FAT1: variants seen among roughly 807,000 people sequenced by gnomAD.
The protein encoded by FAT1 is FAT atypical cadherin 1, also known as protocadherin Fat 1.
FAT1 carries 171 observed loss-of-function variants against 329.8 expected under a neutral mutation model. The observed-to-expected ratio is 0.52, with a 90% CI of 0.46 to 0.59. The LOEUF (loss-of-function observed/expected upper bound fraction) is 0.59. FAT1 is among the 20% of genes least tolerant of loss of function. The pLI is 0.00. For missense variants in FAT1, 5,672 were observed against 5,774.4 expected (o/e 0.98, Z 0.57); for synonymous variants, 2,233 against 2,228.6 (o/e 1.00, Z -0.06).
chr4:186,637,159 G>A (rs767035510), intron 4 of FAT1, among the ~76,000 whole-genome samples: 2 of 152,052 alleles, frequency 1.3e-5, no homozygotes, highest in South Asian at 2.1e-4. Flanking sequence ...GCACCCCTGC[G>A]CGCCTTCCTG....
intron 2 of FAT1, among the ~76,000 whole-genome samples, chr4:186,692,032 GT>G (rs1743790702): frequency 2.6e-5 from 4 of 151,884 alleles, no homozygotes; most frequent in Admixed American, 2.6e-4. Context: ...AAAAATCTCT[GT>G]TAAAGAAGGC....
In FAT1 at chr4:186,620,749, C is replaced by A. The variant is rs2126518708; in HGVS notation, c.5837G>T (p.Ser1946Ile). Residue 1946 changes from serine to isoleucine, a missense_variant, in exon 10 of 27, where the codon AGC (serine) becomes ATC (isoleucine). Physicochemically the swap from Ser to Ile is moderately radical, Grantham distance 142 (BLOSUM62 -2). Coordinates refer to ENST00000441802, the MANE Select transcript of FAT1 (RefSeq NM_005245.4). The stretch of plus-strand genomic sequence containing the variant: ...AGCTCTAACGGTTAGCTCGTAGCGG[C>A]TTCTTAACTGAGTTGTGTTTTGGAC... ...LTVQNTTQLR[S>I]RYELTVRASD... 2 of 1,614,024 alleles carry A rather than the reference C, an allele frequency of 1.2e-6. No individual in the cohort carries two copies. Among genetic ancestry groups the A allele is most frequent in the Non-Finnish European group, 1.7e-6 (2 of 1,179,908 alleles).
chr4:186,606,588 G>C (rs952705589), intron 16 of FAT1, among the ~76,000 whole-genome samples: 1 of 152,046 alleles, frequency 6.6e-6, no homozygotes, highest in Non-Finnish European at 1.5e-5. Context: ...GCCTTCCTTA[G>C]GGCCCCAAGT....
At position 186,609,794 on chromosome 4, in the gene FAT1, T is replaced by C. The variant is rs1344061834; in HGVS notation, c.10068+7A>G. On this transcript the variant is annotated splice_region_variant and intron_variant, in intron 15 of 26. Transcript: ENST00000441802. ...AGTTTTCACTGTAATGGGGAAAAAA[T>C]ACACACCGTGATGACAGACTGCTCA... 6.2e-7 allele frequency: 1 copy of C among 1,601,156 alleles called. No individual in the cohort carries two copies. Among genetic ancestry groups the C allele is most frequent in the Admixed American group, 1.7e-5 (1 of 59,964 alleles).
At chr4:186,649,063 T>C (rs1019142291) in intron 3 of FAT1, among the ~76,000 whole-genome samples, 1 of 152,186 alleles carries the variant, frequency 6.6e-6, no homozygotes, top group East Asian at 1.9e-4. Flanking sequence ...ACAGTATTTC[T>C]CAAGTATGGT....
intron 3 of FAT1, among the ~76,000 whole-genome samples, chr4:186,643,079 C>G (rs935482920): frequency 2.6e-5 from 4 of 152,216 alleles, no homozygotes; most frequent in African/African-American, 9.6e-5. Context: ...CACTAGCCTC[C>G]TGAGACCAGT....
intron 3 of FAT1, among the ~76,000 whole-genome samples, chr4:186,640,978 T>C (rs1269610314): frequency 6.6e-6 from 1 of 152,214 alleles, no homozygotes; most frequent in Non-Finnish European, 1.5e-5. Context: ...TTTTCTCATA[T>C]GGAAATACCT....
chr4:186,602,625 G>A (rs1738868031), intron 20 of FAT1, among the ~76,000 whole-genome samples: 1 of 152,132 alleles, frequency 6.6e-6, no homozygotes, highest in Non-Finnish European at 1.5e-5. Flanking sequence ...TGAATTTCCA[G>A]GAAAATTAAA....
rs2126508003 is a variant in FAT1 at position 186,619,676 on chromosome 4, G to A, written c.6910C>T (p.Gln2304Ter). 6.2e-7 allele frequency: 1 copy of A among 1,613,924 alleles called. No individual in the cohort carries two copies. Among genetic ancestry groups the A allele is most frequent in the Non-Finnish European group, 8.5e-7 (1 of 1,179,896 alleles). Reference protein sequence around the residue: ...EASVIGTSVVQVRATDSDSEP... With the variant: ...EASVIGTSVV ...GAATCAGAATCGGTGGCTCTAACTT[G>A]AACAACAGACGTTCCAATTACAGAT... The change falls in exon 10 of 27, where the codon CAA becomes TAA. Residue 2304 changes from glutamine (Q) to a stop codon, truncating the protein, a stop_gained. Transcript: ENST00000441802. LOFTEE classifies it high-confidence loss of function.
rs778456045 is a variant in FAT1, at chr4:186,706,657, C to T, written c.3171G>A (p.Ser1057=). ...APVGSLVMTV[S]AHDEDARRDG... is the part of the protein sequence containing the mutation. ...CTCTTCTGGCGTCCTCATCATGAGC[C>T]GACACCGTCATTACCAATGAACCAA... Residue 1057 remains serine, a synonymous_variant, in exon 2 of 27, where the codon TCG becomes TCA. Coordinates refer to ENST00000441802, the MANE Select transcript of FAT1 (RefSeq NM_005245.4). The T allele has an allele frequency of 1.5e-5, 25 of 1,613,948 alleles. No individual in the cohort carries two copies. In the East Asian group the frequency reaches 4.0e-4, roughly 26 times the overall value.
intron 2 of FAT1, among the ~76,000 whole-genome samples, chr4:186,667,411 G>C (rs1032826581): frequency 6.6e-6 from 1 of 152,176 alleles, no homozygotes; most frequent in Non-Finnish European, 1.5e-5. Flanking sequence ...TGTGTAATTC[G>C]CAATTAAAAT....
chr4:186,715,576 CAA>C, intron 1 of FAT1, among the ~76,000 whole-genome samples: 1 of 152,248 alleles, frequency 6.6e-6, no homozygotes, highest in East Asian at 1.9e-4. Context: ...TCATGCAAAA[CAA>C]ACAGTAAAGC....
In FAT1 at chr4:186,619,373, G is replaced by A. The variant is rs2126504883; in HGVS notation, c.7213C>T (p.His2405Tyr). 1 of 1,614,020 alleles carries A rather than the reference G, an allele frequency of 6.2e-7. No homozygotes were observed. Among genetic ancestry groups the A allele is most frequent in the South Asian group, 1.1e-5 (1 of 91,080 alleles). The change falls in exon 10 of 27, where the codon CAT (histidine) becomes TAT (tyrosine). Residue 2405 changes from histidine (H) to tyrosine (Y), a missense_variant. This residue lies in a region of FAT1 where 3,966 missense variants were observed against 3,915.2 expected (regional missense o/e 1.01). Transcript: ENST00000441802. ...YEARISEHAP[H>Y]GHFVTCVKAY... ...TTTACACAGGTCACGAAATGCCCATGAGGGGCGTGCTCGCTAATTCTGGCT... is the reference window on the plus strand; with the variant it reads ...TTTACACAGGTCACGAAATGCCCATAAGGGGCGTGCTCGCTAATTCTGGCT...
At chr4:186,639,267 G>A (rs1366746230) in intron 4 of FAT1, among the ~76,000 whole-genome samples, 1 of 151,966 alleles carries the variant, frequency 6.6e-6, no homozygotes, top group East Asian at 1.9e-4. Flanking sequence ...CTGTTTAAGA[G>A]CAAAAAAATG....
At chr4:186,637,411 T>C (rs1037437455) in intron 4 of FAT1, among the ~76,000 whole-genome samples, 1 of 152,244 alleles carries the variant, frequency 6.6e-6, no homozygotes, top group Admixed American at 6.5e-5. Flanking sequence ...TTTTAAAGTA[T>C]GTGTTAAATA....
rs769572617 is a variant in FAT1, at chr4:186,601,313, CA to C, written c.11595del (p.His3865GlnfsTer54). ...LTMRLRTYST[H>X]AVVMYARGTD... Reference sequence around the variant, plus strand: ...GTTCCTCGAGCATACATGACAACCGCATGCGTGGAATATGTTCTGAGCCTCA... The same window carrying C: ...GTTCCTCGAGCATACATGACAACCGCTGCGTGGAATATGTTCTGAGCCTCA... On this transcript the variant is annotated frameshift_variant, in exon 21 of 27. Transcript: ENST00000441802. LOFTEE classifies it high-confidence loss of function. The C allele has an allele frequency of 6.2e-7, 1 of 1,611,836 alleles. No homozygotes were observed. The highest frequency in any genetic ancestry group is 8.5e-7 in the Non-Finnish European group (1 of 1,178,280).
At chr4:186,662,205 C>G (rs1742208982) in intron 3 of FAT1, among the ~76,000 whole-genome samples, 1 of 151,294 alleles carries the variant, frequency 6.6e-6, no homozygotes, top group East Asian at 1.9e-4. Context: ...GAGAGGCATA[C>G]ATACATTCTG....
rs567946704 is a variant in FAT1 at position 186,666,999 on chromosome 4, A to C, written c.3266-3386T>G. 3.9e-5 allele frequency among the ~76,000 whole-genome samples: 6 copies of C among 152,358 alleles called. No homozygotes were observed. In the South Asian group the frequency reaches 1.0e-3, roughly 26 times the overall value. Reference sequence around the variant, plus strand: ...TTAATGTGGTAATTTGGGAAAGATGAGTCAAACTTCCTATTTCATCCACCT... The same window carrying C: ...TTAATGTGGTAATTTGGGAAAGATGCGTCAAACTTCCTATTTCATCCACCT... On this transcript the variant is annotated intron_variant, in intron 2 of 26. Coordinates refer to ENST00000441802, the MANE Select transcript of FAT1 (RefSeq NM_005245.4).
Position 186,602,958 on chromosome 4 carries a change from G to A in FAT1, c.11427C>T (p.Pro3809=). The A allele has an allele frequency of 6.2e-7, 1 of 1,613,940 alleles. No homozygotes were observed. The highest frequency in any genetic ancestry group is 8.5e-7 in the Non-Finnish European group (1 of 1,179,864). ...CPEGSECVSD[P]WEEKHTCVCP... is the part of the protein sequence containing the mutation. ...AGACACAGGTGTGTTTCTCCTCCCA[G>A]GGATCAGACACACATTCGGATCCCT... The change falls in exon 20 of 27, where the codon CCC becomes CCT. Residue 3809 remains proline (P), a synonymous_variant. Coordinates refer to ENST00000441802, the MANE Select transcript of FAT1 (RefSeq NM_005245.4).
Sources: gnomAD v4.1 joint callset for allele counts (sites outside exome capture counted in the v4.1 genomes callset) on GRCh38, gnomAD v4.1.1 for gene constraint, gnomAD v4.1.1 regional missense constraint, MANE v1.5 for transcripts, NCBI Gene and HGNC (gene_info 2026-07-23, HGNC 2026-07-21) for gene names.